CADM2: variants seen among roughly 807,000 people sequenced by gnomAD.
The protein encoded by CADM2 is immunoglobulin superfamily member 4D.
A neutral mutation model predicts 49.8 loss-of-function variants in CADM2; 12 were observed. The observed-to-expected ratio is 0.24, with a 90% confidence interval of 0.15 to 0.39. The LOEUF (loss-of-function observed/expected upper bound fraction) is 0.39, where lower values mean the gene tolerates loss of function less well. Among genes scored for constraint, CADM2 ranks in the 10% least tolerant of loss-of-function variants. The pLI, the probability that CADM2 is intolerant of heterozygous loss-of-function variation, is 1.00. For missense variants in CADM2, 378 were observed against 492.3 expected (o/e 0.77, Z 2.20); for synonymous variants, 214 against 175.4 (o/e 1.22, Z -1.74).
chr3:85,555,050 C>G (rs2061924695), intron 1 of CADM2, among the ~76,000 whole-genome samples: 2 of 127,506 alleles, frequency 1.6e-5, no homozygotes, highest in Non-Finnish European at 3.6e-5. Context: ...TATGAGTCAA[C>G]TTAAAATCTG....
chr3:85,676,598 A>C (rs1379789496), intron 1 of CADM2, among the ~76,000 whole-genome samples: 1 of 152,088 alleles, frequency 6.6e-6, no homozygotes, highest in Admixed American at 6.6e-5. Context: ...AGGACCTTCT[A>C]TTTTGAGATA....
intron 8 of CADM2, among the ~76,000 whole-genome samples, chr3:86,035,966 G>A (rs1330261526): frequency 6.6e-6 from 1 of 152,036 alleles, no homozygotes; most frequent in Non-Finnish European, 1.5e-5. Context: ...CATGACAGAG[G>A]GAGAAAACTC....
chr3:85,440,013 C>A (rs1230473630), intron 1 of CADM2, among the ~76,000 whole-genome samples: 1 of 152,066 alleles, frequency 6.6e-6, no homozygotes, highest in Non-Finnish European at 1.5e-5. Flanking sequence ...AGGAGAATTG[C>A]ATACATGCAA....
intron 3 of CADM2, among the ~76,000 whole-genome samples, chr3:85,819,269 C>T (rs1303862443): frequency 6.6e-6 from 1 of 152,110 alleles, no homozygotes; most frequent in Non-Finnish European, 1.5e-5. Context: ...GGATGGTGCC[C>T]ACCCACATTG....
chr3:84,963,755 C>T (rs1470225210), intron 1 of CADM2, among the ~76,000 whole-genome samples: 1 of 152,166 alleles, frequency 6.6e-6, no homozygotes, highest in Non-Finnish European at 1.5e-5. Flanking sequence ...CATTATAATA[C>T]ATCTTATATA....
At chr3:85,952,740 G>A (rs907333747) in intron 7 of CADM2, among the ~76,000 whole-genome samples, 15 of 150,672 alleles carry the variant, frequency 1.0e-4, no homozygotes, top group African/African-American at 2.9e-4. Flanking sequence ...TACTTTTTCA[G>A]GGCTCTTTTA....
At chr3:85,680,420 A>G (rs980014718) in intron 1 of CADM2, among the ~76,000 whole-genome samples, 5 of 152,166 alleles carry the variant, frequency 3.3e-5, no homozygotes, top group African/African-American at 7.2e-5. Context: ...AACACTTTCT[A>G]TGAACAGCTA....
intron 1 of CADM2, among the ~76,000 whole-genome samples, chr3:85,720,754 TTG>T (rs2067473354): frequency 6.6e-6 from 1 of 152,146 alleles, no homozygotes; most frequent in Non-Finnish European, 1.5e-5. Context: ...GTGTTTAACT[TTG>T]TGTTTGATGA....
chr3:85,108,432 T>G (rs1199810596), intron 1 of CADM2, among the ~76,000 whole-genome samples: 1 of 152,076 alleles, frequency 6.6e-6, no homozygotes, highest in Non-Finnish European at 1.5e-5. Flanking sequence ...CTAAGGGAAA[T>G]AAGCCATAAA....
intron 2 of CADM2, among the ~76,000 whole-genome samples, chr3:85,760,235 T>C (rs1211737598): frequency 6.6e-6 from 1 of 152,140 alleles, no homozygotes; most frequent in Non-Finnish European, 1.5e-5. Context: ...GTACTAGTTG[T>C]TATGTTCAAA....
At chr3:84,960,973 A>C (rs1472638338) in intron 1 of CADM2, among the ~76,000 whole-genome samples, 1 of 152,142 alleles carries the variant, frequency 6.6e-6, no homozygotes, top group African/African-American at 2.4e-5. Context: ...GATGGATGTG[A>C]AATGATGATT....
chr3:85,730,477 A>AATAAAATAAG (rs2067884673), intron 2 of CADM2, among the ~76,000 whole-genome samples: 1 of 151,654 alleles, frequency 6.6e-6, no homozygotes, highest in Non-Finnish European at 1.5e-5. Context: ...AATAAAATAA[A>AATAAAATAAG]ATATAAAAAA....
At chr3:85,709,004 A>G (rs1383943890) in intron 1 of CADM2, among the ~76,000 whole-genome samples, 1 of 152,036 alleles carries the variant, frequency 6.6e-6, no homozygotes, top group African/African-American at 2.4e-5. Flanking sequence ...ATGTAAAATT[A>G]TCTCAGTATT....
At chr3:85,087,796 C>T (rs191876208) in intron 1 of CADM2, among the ~76,000 whole-genome samples, 2 of 151,994 alleles carry the variant, frequency 1.3e-5, no homozygotes, top group East Asian at 3.9e-4. Flanking sequence ...ATAACATTAC[C>T]TCCTCATATA....
In CADM2 at chr3:85,597,222, G is replaced by T. The variant is rs544705471; in HGVS notation, c.62-129300G>T. 3.5e-3 allele frequency among the ~76,000 whole-genome samples: 537 copies of T among 152,076 alleles called. 4 individuals are homozygous for T. In the Middle Eastern group the frequency reaches 0.041, roughly 12 times the overall value. On this transcript the variant is annotated intron_variant, in intron 1 of 9. Transcript: ENST00000383699. ...ATTAAAAAAATGCTGTATACAATAA[G>T]TAAGTACACGTAAGAAGCTTATACA...
At chr3:85,169,204 G>A (rs995959461) in intron 1 of CADM2, among the ~76,000 whole-genome samples, 4 of 152,050 alleles carry the variant, frequency 2.6e-5, no homozygotes, top group African/African-American at 7.2e-5. Context: ...AGGTTGGCAA[G>A]TCTAGTGTCG....
intron 1 of CADM2, among the ~76,000 whole-genome samples, chr3:85,501,531 G>A (rs935690285): frequency 5.3e-5 from 8 of 151,976 alleles, no homozygotes; most frequent in African/African-American, 7.2e-5. Flanking sequence ...GAGACCTAAC[G>A]TTGTATGAAT....
chr3:85,071,834 T>C (rs190373750), intron 1 of CADM2, among the ~76,000 whole-genome samples: 1 of 152,138 alleles, frequency 6.6e-6, no homozygotes, highest in African/African-American at 2.4e-5. Context: ...AGTTATGATA[T>C]ATGATTGTTT....
chr3:86,005,131 A>T (rs1011023987), intron 8 of CADM2, among the ~76,000 whole-genome samples: 2 of 152,240 alleles, frequency 1.3e-5, no homozygotes, highest in Admixed American at 1.3e-4. Flanking sequence ...GGAGGCAGTT[A>T]TAAGTGGTTT....
Sources: gnomAD v4.1 joint callset for allele counts (sites outside exome capture counted in the v4.1 genomes callset) on GRCh38, gnomAD v4.1.1 for gene constraint, MANE v1.5 for transcripts, NCBI Gene and HGNC (gene_info 2026-07-23, HGNC 2026-07-21) for gene names.